The following DOCK9 variants were observed in gnomAD, a reference collection of about 807,000 sequenced individuals.
The protein encoded by DOCK9 is dedicator of cytokinesis 9.
Under a neutral mutation model 263.3 loss-of-function variants are expected in DOCK9, and 89 were observed. The observed-to-expected ratio is 0.34, with a 90% confidence interval of 0.28 to 0.40. The LOEUF (loss-of-function observed/expected upper bound fraction) is 0.40, where lower values mean the gene tolerates loss of function less well. DOCK9 is among the 10% of genes least tolerant of loss of function. The pLI is 1.00. For missense variants in DOCK9, 2,140 were observed against 2,603.4 expected (o/e 0.82, Z 3.87); for synonymous variants, 976 against 973.1 (o/e 1.00, Z -0.06).
At chr13:98,847,180 T>C (rs1363485530) in intron 37 of DOCK9, 3 of 155,682 alleles carry the variant, frequency 1.9e-5, no homozygotes, top group Admixed American at 1.8e-4. Context: ...CTGTGAGGCA[T>C]TTTATTCTAC....
intron 45 of DOCK9, among the ~76,000 whole-genome samples, chr13:98,813,486 C>T (rs2050965369): frequency 6.6e-6 from 1 of 152,036 alleles, no homozygotes; most frequent in African/African-American, 2.4e-5. Context: ...TATGGTTTTT[C>T]CTATTTATTC....
intron 2 of DOCK9, among the ~76,000 whole-genome samples, chr13:98,951,154 T>C (rs947180660): frequency 3.9e-5 from 6 of 152,114 alleles, no homozygotes; most frequent in Admixed American, 3.9e-4. Context: ...ATAAACTGGG[T>C]AAGACAACAA....
At chr13:99,081,808 G>A (rs1425044812) in intron 1 of DOCK9, among the ~76,000 whole-genome samples, 1 of 152,200 alleles carries the variant, frequency 6.6e-6, no homozygotes, top group East Asian at 1.9e-4. Context: ...TTTTGAACAT[G>A]CTACCTTCCT....
chr13:98,800,093 G>C (rs1227626467), intron 50 of DOCK9, among the ~76,000 whole-genome samples, 195 bp downstream of exon 50: 2 of 152,162 alleles, frequency 1.3e-5, no homozygotes, highest in African/African-American at 2.4e-5. Context: ...AGTCCTCATG[G>C]GGCGGGGGGC....
At chr13:98,883,776 G>C in intron 22 of DOCK9, 37 bp downstream of exon 22, 1 of 1,427,962 alleles carries the variant, frequency 7.0e-7, no homozygotes, top group Non-Finnish European at 9.6e-7. Flanking sequence ...CTTTGTCACA[G>C]GGCAGCAACT....
chr13:98,938,456 T>C (rs1356325502), intron 2 of DOCK9, among the ~76,000 whole-genome samples: 3 of 152,208 alleles, frequency 2.0e-5, no homozygotes, highest in Non-Finnish European at 4.4e-5. Context: ...TCTGTTCCTC[T>C]CAAATGGTTT....
chr13:99,007,067 G>A (rs979521193), intron 1 of DOCK9, among the ~76,000 whole-genome samples: 1 of 152,060 alleles, frequency 6.6e-6, no homozygotes, highest in African/African-American at 2.4e-5. Context: ...ACTCCAGCCT[G>A]GGTGACAGAG....
intron 52 of DOCK9, 68 bp from the exon 53 acceptor site, chr13:98,794,816 T>A: frequency 6.4e-7 from 1 of 1,556,010 alleles, no homozygotes; most frequent in African/African-American, 1.4e-5. Context: ...CATGTTGCCA[T>A]GTGTGACACA....
At chr13:98,830,771 G>A (rs569480392) in intron 41 of DOCK9, among the ~76,000 whole-genome samples, 26 of 152,340 alleles carry the variant, frequency 1.7e-4, no homozygotes, top group Non-Finnish European at 3.2e-4. Flanking sequence ...AGGGCTGGGA[G>A]AGGGTTGTTT....
At position 98,825,622 on chromosome 13, in the gene DOCK9, C is replaced by T. The variant is rs1416420791; in HGVS notation, c.5024-1118G>A. Among the ~76,000 whole-genome samples, 1 of 152,142 alleles carries T rather than the reference C, an allele frequency of 6.6e-6. No homozygotes were observed. Among genetic ancestry groups the T allele is most frequent in the Admixed American group, 6.5e-5 (1 of 15,280 alleles). ...CAAACTGTAAAATTAAAAAAACCAA[C>T]CACCCATGCTCTAGGCTATATAGTA... On this transcript the variant is annotated intron_variant, in intron 44 of 52. Transcript: ENST00000682017. The surrounding 1 kb of genome is among the most constrained non-coding windows in gnomAD (Gnocchi z 4.1).
At chr13:98,860,890 T>C (rs547251488) in intron 32 of DOCK9, among the ~76,000 whole-genome samples, 35 of 152,348 alleles carry the variant, frequency 2.3e-4, no homozygotes, top group African/African-American at 8.2e-4. Flanking sequence ...CCCCTGCTCT[T>C]TCTAACTGGA....
At chr13:98,930,093 T>C (rs2053662598) in intron 3 of DOCK9, 75 bp downstream of exon 3, 6 of 1,337,770 alleles carry the variant, frequency 4.5e-6, no homozygotes, top group Admixed American at 2.0e-5. Context: ...CTTGACAATT[T>C]TGAAATTTAA....
chr13:98,963,365 C>G (rs1467646942), intron 1 of DOCK9, among the ~76,000 whole-genome samples: 1 of 152,206 alleles, frequency 6.6e-6, no homozygotes, highest in African/African-American at 2.4e-5. Flanking sequence ...AAATGAGATT[C>G]CTCTGGATCC....
intron 2 of DOCK9, among the ~76,000 whole-genome samples, chr13:98,945,021 A>T (rs2056522234): frequency 6.6e-6 from 1 of 152,228 alleles, no homozygotes; most frequent in African/African-American, 2.4e-5. Context: ...AGATGGTTTT[A>T]AACAAATTAA....
chr13:98,807,718 T>C lies in DOCK9; in HGVS notation c.5457A>G (p.Lys1819=), dbSNP rs773134045. 1.9e-6 allele frequency: 3 copies of C among 1,613,816 alleles called. No individual in the cohort carries two copies. Among genetic ancestry groups the C allele is most frequent in the Non-Finnish European group, 2.5e-6 (3 of 1,179,760 alleles). ...PLSEISQRLL[K]LYSDKFGSEN... Reference sequence around the variant, plus strand: ...CAGAACCAAATTTATCCGAGTACAGTTTAAGGAGTCTCTGAGAAATTTCCG... The same window carrying C: ...CAGAACCAAATTTATCCGAGTACAGCTTAAGGAGTCTCTGAGAAATTTCCG... The change falls in exon 48 of 53, where the codon AAA becomes AAG. Residue 1819 remains lysine, a synonymous_variant. Transcript: ENST00000682017.
chr13:98,966,501 C>T (rs922892286), intron 1 of DOCK9, among the ~76,000 whole-genome samples: 1 of 152,248 alleles, frequency 6.6e-6, no homozygotes, highest in Non-Finnish European at 1.5e-5. Flanking sequence ...AGACTGTAGA[C>T]TCTTCCAGGC....
Position 98,885,047 on chromosome 13 carries a change from G to A in DOCK9, c.2306C>T (p.Thr769Ile). 1 of 1,613,680 alleles carries A rather than the reference G, an allele frequency of 6.2e-7. No individual in the cohort carries two copies. Among genetic ancestry groups the A allele is most frequent in the Non-Finnish European group, 8.5e-7 (1 of 1,179,816 alleles). ...LPLLKDGRVV[T>I]SEQHIPVSAN... ...CGAGACCGGGATGTGCTGCTCGCTT[G>A]TCACCACCCTTCCGTCTTTCAGGAG... Residue 769 changes from threonine to isoleucine, a missense_variant, in exon 21 of 53, where the codon ACA becomes ATA. Thr to Ile is a moderately conservative substitution (Grantham distance 89, BLOSUM62 -1). Around this residue, in one of 2 missense-constraint regions of DOCK9, gnomAD observed 1,521 missense variants for 1,741.7 expected, o/e 0.87. Coordinates refer to ENST00000682017, the MANE Select transcript of DOCK9 (RefSeq NM_001366683.2).
intron 2 of DOCK9, among the ~76,000 whole-genome samples, chr13:98,934,949 T>C (rs2054575190): frequency 6.6e-6 from 1 of 152,238 alleles, no homozygotes; most frequent in Admixed American, 6.5e-5. Flanking sequence ...ATATAGTTGC[T>C]ATTCTTTTAA....
At position 98,829,342 on chromosome 13, in the gene DOCK9, C is replaced by T; in HGVS notation, c.4930G>A (p.Ala1644Thr). 1 of 1,613,258 alleles carries T rather than the reference C, an allele frequency of 6.2e-7. No homozygotes were observed. Among genetic ancestry groups the T allele is most frequent in the South Asian group, 1.1e-5 (1 of 90,842 alleles). Residue 1644 changes from alanine to threonine, a missense_variant, in exon 43 of 53, where the codon GCC (alanine) becomes ACC (threonine). This residue lies in a region of DOCK9 where 619 missense variants were observed against 861.8 expected (regional missense o/e 0.72). Transcript: ENST00000682017. This position sits in a 1 kb window ranked among gnomAD's most constrained non-coding sequence, Gnocchi z 4.1. ...TCGCCATTTTTGACATGGATCCTGG[C>T]CATGCTGTCGAGCCACGTCTTCCTG... Reference protein sequence around the residue: ...ELRKTWLDSMARIHVKNGDLS... With the variant: ...ELRKTWLDSMTRIHVKNGDLS...
Sources: allele counts gnomAD v4.1 joint callset (sites outside exome capture counted in the v4.1 genomes callset), GRCh38; gene constraint gnomAD v4.1.1; regional missense constraint gnomAD v4.1.1; non-coding constraint Gnocchi (gnomAD v3.1); transcripts MANE v1.5; gene names NCBI Gene and HGNC (gene_info 2026-07-23, HGNC 2026-07-21).